The following TRIM71 variants were observed in gnomAD, a reference collection of about 807,000 sequenced individuals.
TRIM71 encodes the protein E3 ubiquitin-protein ligase TRIM71.
A neutral mutation model predicts 61.2 loss-of-function variants in TRIM71; 9 were observed. The ratio of observed to expected loss-of-function variants is 0.15; its 90% CI spans 0.09 to 0.26. The LOEUF (loss-of-function observed/expected upper bound fraction) is 0.26, where lower values mean the gene tolerates loss of function less well. TRIM71 is among the 10% of genes least tolerant of loss of function. The pLI is 1.00. For missense variants in TRIM71, 998 were observed against 1,238.7 expected (o/e 0.81, Z 2.92); for synonymous variants, 645 against 553.2 (o/e 1.17, Z -2.33).
At chr3:32,833,724 T>C (rs899503768) in intron 1 of TRIM71, among the ~76,000 whole-genome samples, 1 of 151,924 alleles carries the variant, frequency 6.6e-6, no homozygotes, top group African/African-American at 2.4e-5. Context: ...GACCTGACTT[T>C]TTTGTTTGAG....
At chr3:32,820,453 A>T (rs977065071) in intron 1 of TRIM71, among the ~76,000 whole-genome samples, 1 of 152,202 alleles carries the variant, frequency 6.6e-6, no homozygotes, top group Non-Finnish European at 1.5e-5. Context: ...TAGTTTTAAT[A>T]TACTGTGGGT....
Position 32,862,456 on chromosome 3 carries a change from G to A in TRIM71, c.853-11362G>A, listed in dbSNP as rs143595531. 4.6e-3 allele frequency among the ~76,000 whole-genome samples: 698 copies of A among 152,234 alleles called. 1 individual carries two copies. Among genetic ancestry groups the A allele is most frequent in the Middle Eastern group, 0.01 (3 of 294 alleles). On this transcript the variant is annotated intron_variant, in intron 1 of 3. Transcript: ENST00000383763. ...ATTGAAACCTACTTGGCTTCTTTAG[G>A]AACTGAAAGGGTTTCAGGTGTACAC...
At chr3:32,849,540 G>A (rs1306695352) in intron 1 of TRIM71, among the ~76,000 whole-genome samples, 1 of 152,022 alleles carries the variant, frequency 6.6e-6, no homozygotes, top group Non-Finnish European at 1.5e-5. Context: ...TGTATTTTTA[G>A]TAGAGATGGG....
chr3:32,867,220 T>C (rs1696748038), intron 1 of TRIM71, among the ~76,000 whole-genome samples: 1 of 152,128 alleles, frequency 6.6e-6, no homozygotes, highest in Non-Finnish European at 1.5e-5. Context: ...ATATTGCTTG[T>C]TTAGCCTGGG....
chr3:32,842,089 G>A (rs997520), intron 1 of TRIM71, among the ~76,000 whole-genome samples: 144,378 of 152,228 alleles, frequency 0.95, 68,664 homozygotes, highest in Non-Finnish European at 0.99. Context: ...AGCTCAGCAG[G>A]GAGAGAAGGG....
intron 1 of TRIM71, among the ~76,000 whole-genome samples, chr3:32,867,740 A>G (rs1471583661): frequency 6.6e-6 from 1 of 152,232 alleles, no homozygotes; most frequent in African/African-American, 2.4e-5. Flanking sequence ...GAGAACACAT[A>G]AAAATGTACT....
intron 2 of TRIM71, among the ~76,000 whole-genome samples, chr3:32,880,353 T>C (rs1436309620): frequency 6.6e-6 from 1 of 152,140 alleles, no homozygotes; most frequent in East Asian, 1.9e-4. Flanking sequence ...TTAAGATCAG[T>C]TTGTGTGATT....
intron 1 of TRIM71, among the ~76,000 whole-genome samples, chr3:32,822,252 A>C (rs573466985): frequency 6.6e-6 from 1 of 152,230 alleles, no homozygotes; most frequent in African/African-American, 2.4e-5. Context: ...GCCCCACCCG[A>C]GGATGGCAAT....
chr3:32,838,907 T>G (rs1269065552), intron 1 of TRIM71, among the ~76,000 whole-genome samples: 2 of 152,092 alleles, frequency 1.3e-5, no homozygotes, highest in African/African-American at 4.8e-5. Flanking sequence ...TTCAAGTGAT[T>G]CTCCTGCGTC....
rs1451591470 is a variant in TRIM71, at chr3:32,866,480, C to A, written c.853-7338C>A. Reference sequence around the variant, plus strand: ...GTCAACAAGTGATCTGCCCTCTTCGCACTCCCAAAGTTCTGGGATTACAGG... The same window carrying A: ...GTCAACAAGTGATCTGCCCTCTTCGAACTCCCAAAGTTCTGGGATTACAGG... On this transcript the variant is annotated intron_variant, in intron 1 of 3. Transcript: ENST00000383763. Among the ~76,000 whole-genome samples the A allele has an allele frequency of 4.0e-5, 6 of 151,502 alleles. No homozygotes were observed. In the East Asian group the frequency reaches 1.2e-3, roughly 30 times the overall value.
At chr3:32,819,320 G>T (rs1291924669) in intron 1 of TRIM71, among the ~76,000 whole-genome samples, 4 of 152,298 alleles carry the variant, frequency 2.6e-5, no homozygotes, top group East Asian at 1.9e-4. Context: ...TGCTGAGAAG[G>T]CGCTCCTTTA....
intron 2 of TRIM71, among the ~76,000 whole-genome samples, chr3:32,875,450 G>C (rs1000692260): frequency 1.3e-5 from 2 of 152,174 alleles, no homozygotes; most frequent in Non-Finnish European, 2.9e-5. Flanking sequence ...GTCAAGAAAA[G>C]TTGTTCACCC....
chr3:32,877,376 T>TA (rs1696861237), intron 2 of TRIM71, among the ~76,000 whole-genome samples: 1 of 151,582 alleles, frequency 6.6e-6, no homozygotes. Flanking sequence ...AGTGTTGGGA[T>TA]ATCAGGTGTG....
intron 1 of TRIM71, among the ~76,000 whole-genome samples, chr3:32,834,849 A>G (rs1040833525): frequency 5.3e-5 from 8 of 152,260 alleles, no homozygotes; most frequent in Middle Eastern, 3.4e-3. Flanking sequence ...TCAAAAAAAA[A>G]GGGGATGGTG....
At chr3:32,875,060 A>G (rs774166023) in intron 2 of TRIM71, among the ~76,000 whole-genome samples, 1 of 152,146 alleles carries the variant, frequency 6.6e-6, no homozygotes, top group Admixed American at 6.5e-5. Context: ...ACCTCAGGTG[A>G]TCCACCTGCC....
intron 1 of TRIM71, among the ~76,000 whole-genome samples, chr3:32,821,999 C>G (rs1454315482): frequency 6.6e-6 from 1 of 152,120 alleles, no homozygotes; most frequent in Non-Finnish European, 1.5e-5. Flanking sequence ...GAGCGCTGCT[C>G]CAGCTGCTCA....
chr3:32,826,417 G>A (rs914789287), intron 1 of TRIM71, among the ~76,000 whole-genome samples: 11 of 151,990 alleles, frequency 7.2e-5, no homozygotes, highest in African/African-American at 2.2e-4. Flanking sequence ...CAGTCTGGGC[G>A]ATAGAACAAG....
At chr3:32,855,371 G>C (rs193065599) in intron 1 of TRIM71, among the ~76,000 whole-genome samples, 15 of 152,142 alleles carry the variant, frequency 9.9e-5, no homozygotes, top group African/African-American at 3.6e-4. Flanking sequence ...ACTGTGGGGT[G>C]GGGGAGGGCA....
At position 32,843,195 on chromosome 3, in the gene TRIM71, A is replaced by G. The variant is rs1350728440; in HGVS notation, c.852+24263A>G. Among the ~76,000 whole-genome samples, 8 of 152,130 alleles carry G rather than the reference A, an allele frequency of 5.3e-5. No homozygotes were observed. The East Asian group carries it at 1.3e-3, about 26-fold the overall frequency. ...AAGAGGGGCAGGGCCTCACCCTCCA[A>G]GGGAGCCCTCTGCTTCCTGCTACTT... On this transcript the variant is annotated intron_variant, in intron 1 of 3. Coordinates refer to ENST00000383763, the MANE Select transcript of TRIM71 (RefSeq NM_001039111.3).
Sources: allele counts gnomAD v4.1 joint callset (sites outside exome capture counted in the v4.1 genomes callset), GRCh38; gene constraint gnomAD v4.1.1; transcripts MANE v1.5; gene names NCBI Gene and HGNC (gene_info 2026-07-23, HGNC 2026-07-21).